VCL: variants seen among roughly 807,000 people sequenced by gnomAD.
The protein encoded by VCL is vinculin, also known as epididymis luminal protein 114.
A neutral mutation model predicts 125.7 loss-of-function variants in VCL; 47 were observed. That is an observed-to-expected ratio of 0.37 (90% CI 0.30 to 0.48). The LOEUF (loss-of-function observed/expected upper bound fraction) is 0.48, where lower values mean the gene tolerates loss of function less well. Among genes scored for constraint, VCL ranks in the 20% least tolerant of loss-of-function variants. VCL has a pLI of 0.99. For missense variants in VCL, 1,069 were observed against 1,455.5 expected (o/e 0.73, Z 4.32); for synonymous variants, 458 against 514.6 (o/e 0.89, Z 1.49).
intron 2 of VCL, among the ~76,000 whole-genome samples, chr10:74,067,519 C>T (rs1841591379): frequency 1.3e-5 from 2 of 152,128 alleles, no homozygotes; most frequent in Non-Finnish European, 2.9e-5. Context: ...AATTCCTCCC[C>T]TAGGTATATA....
At chr10:74,102,149 G>A (rs1479657169) in intron 14 of VCL, among the ~76,000 whole-genome samples, 1 of 151,884 alleles carries the variant, frequency 6.6e-6, no homozygotes, top group African/African-American at 2.4e-5. Flanking sequence ...ACAGGCATGA[G>A]CTACTGCGGC....
chr10:74,008,167 G>C (rs1204423989), intron 1 of VCL, among the ~76,000 whole-genome samples: 2 of 152,088 alleles, frequency 1.3e-5, no homozygotes, highest in Non-Finnish European at 2.9e-5. Context: ...TATAATATTA[G>C]GAATTATCGT....
At chr10:74,017,663 C>G (rs2136231224) in intron 1 of VCL, among the ~76,000 whole-genome samples, 1 of 151,892 alleles carries the variant, frequency 6.6e-6, no homozygotes, top group South Asian at 2.1e-4. Flanking sequence ...AGCCATCCTC[C>G]CACCTCAGCC....
At chr10:73,999,656 T>C (rs1253224298) in intron 1 of VCL, among the ~76,000 whole-genome samples, 1 of 152,194 alleles carries the variant, frequency 6.6e-6, no homozygotes, top group Non-Finnish European at 1.5e-5. Flanking sequence ...AGAGGCTCTT[T>C]AGCAGCTGAA....
intron 1 of VCL, among the ~76,000 whole-genome samples, chr10:74,010,243 A>T (rs536375521): frequency 6.6e-6 from 1 of 152,262 alleles, no homozygotes; most frequent in South Asian, 2.1e-4. Flanking sequence ...TCTTCTTAAC[A>T]AGTTACAAAA....
chr10:74,112,205 C>T, intron 19 of VCL, 93 bp downstream of exon 19: 1 of 1,521,146 alleles, frequency 6.6e-7, no homozygotes. Context: ...CTGTGCTGGT[C>T]CTGTGAGTCT....
intron 8 of VCL, among the ~76,000 whole-genome samples, chr10:74,086,656 A>G (rs528031646): frequency 6.6e-6 from 1 of 152,352 alleles, no homozygotes; most frequent in African/African-American, 2.4e-5. Flanking sequence ...GATGAGTATG[A>G]GCAAGAGAAT....
At chr10:74,025,012 CATTTT>C (rs531005866) in intron 1 of VCL, among the ~76,000 whole-genome samples, 127 of 152,226 alleles carry the variant, frequency 8.3e-4, no homozygotes, top group Middle Eastern at 3.4e-3. Flanking sequence ...ATCCCACTCT[CATTTT>C]ATTTTATTTT....
At chr10:74,057,702 T>A (rs1394539830) in intron 2 of VCL, among the ~76,000 whole-genome samples, 2 of 152,100 alleles carry the variant, frequency 1.3e-5, no homozygotes, top group African/African-American at 4.8e-5. Context: ...GAGGCTGAGG[T>A]GGCCAGATTG....
At chr10:74,095,929 G>A (rs1839961700) in intron 12 of VCL, 74 bp downstream of exon 12, 1 of 1,540,218 alleles carries the variant, frequency 6.5e-7, no homozygotes, top group African/African-American at 1.4e-5. Context: ...GGAAGAGAGA[G>A]TTTTGAAAAA....
At chr10:74,087,415 G>A (rs550435686) in intron 8 of VCL, among the ~76,000 whole-genome samples, 146 of 143,520 alleles carry the variant, frequency 1.0e-3, no homozygotes, top group Non-Finnish European at 1.7e-3. Flanking sequence ...GCGTGATCTC[G>A]GCTCACTGCA....
rs951962719 is a variant in VCL, at chr10:74,097,157, T to C, written c.1744-47T>C. ...GAAGTAAGGGCATTAGTAGATATGC[T>C]TTGAGGATGTATCTGGACATTTTCA... On this transcript the variant is annotated intron_variant, in intron 12 of 21. Transcript: ENST00000211998. The surrounding 1 kb of genome is among the most constrained non-coding windows in gnomAD (Gnocchi z 4.1). 3.1e-6 allele frequency: 5 copies of C among 1,606,954 alleles called. No homozygotes were observed. The highest frequency in any genetic ancestry group is 4.2e-6 in the Non-Finnish European group (5 of 1,177,106).
At chr10:74,033,903 A>G (rs942607459) in intron 1 of VCL, among the ~76,000 whole-genome samples, 2 of 152,134 alleles carry the variant, frequency 1.3e-5, no homozygotes, top group African/African-American at 4.8e-5. Flanking sequence ...ATGGAGTGTC[A>G]TGTGGCTGCC....
chr10:74,011,137 C>T (rs960194295), intron 1 of VCL, among the ~76,000 whole-genome samples: 85 of 121,630 alleles, frequency 7.0e-4, no homozygotes, highest in African/African-American at 2.3e-3. Flanking sequence ...TGCACTCCAG[C>T]GTGGGCAACA....
intron 8 of VCL, 117 bp from the exon 9 acceptor site, chr10:74,089,079 G>A: frequency 6.8e-7 from 1 of 1,463,838 alleles, no homozygotes; most frequent in Admixed American, 1.9e-5. Flanking sequence ...CAGATTTACT[G>A]GGAAAAAGGA....
At position 74,108,995 on chromosome 10, in the gene VCL, A is replaced by G; in HGVS notation, c.2584A>G (p.Lys862Glu). 6.2e-7 allele frequency: 1 copy of G among 1,614,158 alleles called. No individual in the cohort carries two copies. Among genetic ancestry groups the G allele is most frequent in the Non-Finnish European group, 8.5e-7 (1 of 1,180,012 alleles). The change falls in exon 18 of 22, where the codon AAA becomes GAA. Residue 862 changes from lysine to glutamate, a missense_variant. This residue lies in a region of VCL where 760 missense variants were observed against 928.9 expected (regional missense o/e 0.82). Coordinates refer to ENST00000211998, the MANE Select transcript of VCL (RefSeq NM_014000.3). ...LRLTDELAPP[K>E]PPLPEGEVPP... The stretch of plus-strand genomic sequence containing the variant: ...GCTAACAGATGAGCTTGCTCCTCCC[A>G]AACCACCTCTGCCTGAAGGTGAGGT...
rs34306365 is a variant in VCL at position 74,062,367 on chromosome 10, ATTTTTT to A, written c.240-8289_240-8284del. Among the ~76,000 whole-genome samples, 20 of 113,946 alleles carry A rather than the reference ATTTTTT, an allele frequency of 1.8e-4. No individual in the cohort carries two copies. The East Asian group carries it at 2.8e-3, about 16-fold the overall frequency. The allele number at this position is 113,946 out of a possible 152,430, so 74.8% of individuals were successfully genotyped here. A position where few individuals can be genotyped will look rare whatever the true frequency, so the allele number is the denominator to read the frequency against. ...GGTGTGAGCCACCATGCCTGGCCTG[ATTTTTT>A]TTTTTTTTTTTTTGTAGAGATGGAG... On this transcript the variant is annotated intron_variant, in intron 2 of 21. Coordinates refer to ENST00000211998, the MANE Select transcript of VCL (RefSeq NM_014000.3).
chr10:74,010,659 A>G (rs935412909), intron 1 of VCL, among the ~76,000 whole-genome samples: 1 of 151,776 alleles, frequency 6.6e-6, no homozygotes, highest in African/African-American at 2.4e-5. Context: ...AAAAAAAAAA[A>G]CAAACAAAAA....
At chr10:74,000,912 G>A (rs912799445) in intron 1 of VCL, among the ~76,000 whole-genome samples, 22 of 152,238 alleles carry the variant, frequency 1.4e-4, no homozygotes, top group Non-Finnish European at 4.4e-5. Flanking sequence ...TGGGTTAGCA[G>A]AGACAAAGTA....
Sources: allele counts gnomAD v4.1 joint callset (sites outside exome capture counted in the v4.1 genomes callset), GRCh38; gene constraint gnomAD v4.1.1; regional missense constraint gnomAD v4.1.1; non-coding constraint Gnocchi (gnomAD v3.1); transcripts MANE v1.5; gene names NCBI Gene and HGNC (gene_info 2026-07-23, HGNC 2026-07-21).